Variants in SLC41A1 observed in about 807,000 individuals in gnomAD.
The protein encoded by SLC41A1 is solute carrier family 41 member 1, also known as solute carrier family 41 (magnesium transporter), member 1.
Under a neutral mutation model 47.3 loss-of-function variants are expected in SLC41A1, and 20 were observed. That is an observed-to-expected ratio of 0.42 (90% CI 0.30 to 0.61). SLC41A1 has a LOEUF of 0.61. Among genes scored for constraint, SLC41A1 ranks in the 20% least tolerant of loss-of-function variants. SLC41A1 has a pLI of 0.17. For synonymous variants in SLC41A1, 282 were observed against 272.7 expected (o/e 1.03, Z -0.34); for missense variants, 504 against 674.1 (o/e 0.75, Z 2.79).
At chr1:205,797,870 G>T (rs758046491) in intron 7 of SLC41A1, 34 bp downstream of exon 7, 10 of 1,613,446 alleles carry the variant, frequency 6.2e-6, no homozygotes, top group East Asian at 4.5e-5. Context: ...GGGTTGGAGT[G>T]GGGTAGGAGT....
At chr1:205,808,215 C>T (rs1332048116) in intron 2 of SLC41A1, among the ~76,000 whole-genome samples, 1 of 152,172 alleles carries the variant, frequency 6.6e-6, no homozygotes, top group Non-Finnish European at 1.5e-5. Flanking sequence ...CTTGACCTCC[C>T]AAAGTGCTAG....
chr1:205,803,129 A>G lies in SLC41A1; in HGVS notation c.373-2069T>C, dbSNP rs533347167. Among the ~76,000 whole-genome samples, 10 of 152,302 alleles carry G rather than the reference A, an allele frequency of 6.6e-5. No homozygotes were observed. In the South Asian group the frequency reaches 1.4e-3, roughly 22 times the overall value. ...GGTTGCAGTGAGCCGAGACAGTGCC[A>G]CTGCACTCCAGCCTGGGTGACAGAG... is the stretch of plus-strand genomic sequence containing the variant. On this transcript the variant is annotated intron_variant, in intron 2 of 10. Coordinates refer to ENST00000367137, the MANE Select transcript of SLC41A1 (RefSeq NM_173854.6).
chr1:205,810,537 A>T lies in SLC41A1; in HGVS notation c.-96T>A. ...GGGAAAGAACTTAGTCTTGGGGTGA[A>T]CCCAGGCTTGGGCGCCGCAGGACCT... On this transcript the variant is annotated 5_prime_UTR_variant, in exon 2 of 11. Coordinates refer to ENST00000367137, the MANE Select transcript of SLC41A1 (RefSeq NM_173854.6). This position sits in a 1 kb window ranked among gnomAD's most constrained non-coding sequence, Gnocchi z 5.5. 3.7e-6 allele frequency: 6 copies of T among 1,600,918 alleles called. No homozygotes were observed. Among genetic ancestry groups the T allele is most frequent in the Non-Finnish European group, 5.1e-6 (6 of 1,175,740 alleles).
intron 1 of SLC41A1, among the ~76,000 whole-genome samples, chr1:205,811,802 T>C (rs1656162651): frequency 6.6e-6 from 1 of 152,126 alleles, no homozygotes. Context: ...GGCCTCTGTC[T>C]CTCCCCGTCT....
chr1:205,795,762 G>T (rs150597110), intron 8 of SLC41A1: 4 of 520,144 alleles, frequency 7.7e-6, no homozygotes, highest in Non-Finnish European at 1.4e-5. Flanking sequence ...TGACAGTGCC[G>T]GAAAGGATAC....
At chr1:205,804,410 G>T (rs571237811) in intron 2 of SLC41A1, among the ~76,000 whole-genome samples, 22 of 152,266 alleles carry the variant, frequency 1.4e-4, no homozygotes, top group African/African-American at 5.1e-4. Context: ...TAACAATGGG[G>T]AAGAGACTGC....
At position 205,810,601 on chromosome 1, in the gene SLC41A1, A is replaced by T; in HGVS notation, c.-160T>A. On this transcript the variant is annotated 5_prime_UTR_variant, in exon 2 of 11. Coordinates refer to ENST00000367137, the MANE Select transcript of SLC41A1 (RefSeq NM_173854.6). This position sits in a 1 kb window ranked among gnomAD's most constrained non-coding sequence, Gnocchi z 5.5. ...TCCACTCCTACCAGGCACTGCAAAA[A>T]CTGATCCACCAACAGGCAGCCCCAT... 9.3e-7 allele frequency: 1 copy of T among 1,077,292 alleles called. No homozygotes were observed. Among genetic ancestry groups the T allele is most frequent in the Non-Finnish European group, 1.3e-6 (1 of 743,958 alleles). 66.7% of individuals were successfully genotyped at this position (1,077,292 alleles called of 1,614,324 possible). A position where few individuals can be genotyped will look rare whatever the true frequency, so the allele number is the denominator to read the frequency against.
chr1:205,805,800 C>T (rs1656003036), intron 2 of SLC41A1, among the ~76,000 whole-genome samples: 1 of 152,208 alleles, frequency 6.6e-6, no homozygotes, highest in Non-Finnish European at 1.5e-5. Context: ...GTACCTCTTC[C>T]TTGCCCTTCC....
chr1:205,799,042 G>T lies in SLC41A1; in HGVS notation c.612C>A (p.Ile204=), dbSNP rs776137960. The T allele has an allele frequency of 1.2e-6, 2 of 1,613,720 alleles. No individual in the cohort carries two copies. The highest frequency in any genetic ancestry group is 1.1e-5 in the South Asian group (1 of 91,060). The change falls in exon 5 of 11, where the codon ATC becomes ATA. Residue 204 remains isoleucine (I), a synonymous_variant. Transcript: ENST00000367137. ...GCGGAATACTGAAGTGGCCATCAGG[G>T]ATCCAGCCAAAGACGACGGCTGCGA... ...ASIAAVVFGW[I]PDGHFSIPHA... is the part of the protein sequence containing the mutation.
Position 205,810,270 on chromosome 1 carries a change from T to C in SLC41A1, c.172A>G (p.Lys58Glu). The part of the protein sequence containing the change: ...EVVIESRANA[K>E]GVREEDALLE... ...AGGGCGTCCTCCTCCCGAACCCCCT[T>C]GGCGTTGGCCCGAGACTCAATCACC... Residue 58 changes from lysine to glutamate, a missense_variant, in exon 2 of 11, where the codon AAG becomes GAG. Lys to Glu is a moderately conservative substitution (Grantham distance 56). This residue lies in a region of SLC41A1 where 83 missense variants were observed against 72.5 expected (regional missense o/e 1.15). Coordinates refer to ENST00000367137, the MANE Select transcript of SLC41A1 (RefSeq NM_173854.6). This position sits in a 1 kb window ranked among gnomAD's most constrained non-coding sequence, Gnocchi z 5.5. 1.9e-6 allele frequency: 3 copies of C among 1,614,166 alleles called. No individual in the cohort carries two copies. Among genetic ancestry groups the C allele is most frequent in the Non-Finnish European group, 1.7e-6 (2 of 1,180,020 alleles).
chr1:205,801,167 AG>A (rs1655869578), intron 2 of SLC41A1, 107 bp from the exon 3 acceptor site: 5 of 877,320 alleles, frequency 5.7e-6, no homozygotes, highest in Non-Finnish European at 9.4e-6. Flanking sequence ...TAGAATCAGC[AG>A]GGAGTGAGCA....
Position 205,799,041 on chromosome 1 carries a change from G to A in SLC41A1, c.613C>T (p.Pro205Ser), listed in dbSNP as rs771369142. The change falls in exon 5 of 11, where the codon CCT becomes TCT. Residue 205 changes from proline (P) to serine (S), a missense_variant. This residue lies in a region of SLC41A1 where 421 missense variants were observed against 601.6 expected (regional missense o/e 0.70). Coordinates refer to ENST00000367137, the MANE Select transcript of SLC41A1 (RefSeq NM_173854.6). The stretch of plus-strand genomic sequence containing the variant: ...TGCGGAATACTGAAGTGGCCATCAG[G>A]GATCCAGCCAAAGACGACGGCTGCG... ...SIAAVVFGWIPDGHFSIPHAF... is the reference protein window; with the variant it reads ...SIAAVVFGWISDGHFSIPHAF... 3.7e-6 allele frequency: 6 copies of A among 1,613,708 alleles called. No homozygotes were observed. Among genetic ancestry groups the A allele is most frequent in the South Asian group, 3.3e-5 (3 of 91,064 alleles).
intron 2 of SLC41A1, among the ~76,000 whole-genome samples, chr1:205,808,992 T>A (rs1656079752): frequency 6.6e-6 from 1 of 152,208 alleles, no homozygotes; most frequent in Non-Finnish European, 1.5e-5. Flanking sequence ...AAGCTTCGTG[T>A]CCTTCTGGGA....
intron 2 of SLC41A1, among the ~76,000 whole-genome samples, chr1:205,804,422 C>T (rs1452297066): frequency 6.6e-6 from 1 of 152,114 alleles, no homozygotes; most frequent in Non-Finnish European, 1.5e-5. Flanking sequence ...AGAGACTGCC[C>T]CCCATCTCAA....
chr1:205,793,537 T>C (rs1490054567), intron 10 of SLC41A1, among the ~76,000 whole-genome samples: 1 of 152,246 alleles, frequency 6.6e-6, no homozygotes, highest in Non-Finnish European at 1.5e-5. Context: ...GCCCCGCCCC[T>C]GCCAAGATGT....
rs1406736212 is a variant in SLC41A1, at chr1:205,791,105, A to G, written c.*428T>C. On this transcript the variant is annotated 3_prime_UTR_variant, in exon 11 of 11. Transcript: ENST00000367137. This position sits in a 1 kb window ranked among gnomAD's most constrained non-coding sequence, Gnocchi z 4.0. ...ACTTATTCTTCTGTCCCTCTGTTCAACCAAAACCAAAAATAAAACAAAACA... is the reference window on the plus strand; with the variant it reads ...ACTTATTCTTCTGTCCCTCTGTTCAGCCAAAACCAAAAATAAAACAAAACA... 8 of 278,902 alleles carry G rather than the reference A, an allele frequency of 2.9e-5. No homozygotes were observed. The highest frequency in any genetic ancestry group is 1.5e-4 in the Admixed American group (3 of 19,878). The allele number at this position is 278,902 out of a possible 1,614,324, so 17.3% of individuals were successfully genotyped here.
chr1:205,799,948 G>A, intron 3 of SLC41A1, 118 bp from the exon 4 acceptor site: 1 of 839,796 alleles, frequency 1.2e-6, no homozygotes, highest in Non-Finnish European at 2.0e-6. Context: ...CTGAGAGCAG[G>A]ACCTGACAGT....
At chr1:205,807,504 G>A (rs1656039463) in intron 2 of SLC41A1, among the ~76,000 whole-genome samples, 1 of 152,158 alleles carries the variant, frequency 6.6e-6, no homozygotes, top group Non-Finnish European at 1.5e-5. Context: ...GGATGGGTAG[G>A]GGTGTGGTGT....
Position 205,810,503 on chromosome 1 carries a change from C to A in SLC41A1, c.-62G>T. 4.3e-6 allele frequency: 7 copies of A among 1,612,452 alleles called. No homozygotes were observed. The highest frequency in any genetic ancestry group is 5.9e-6 in the Non-Finnish European group (7 of 1,179,956). ...TCTTCTTTTTGCTTTCTCTCTTCTT[C>A]TCTAACTTGGGAAAGAACTTAGTCT... On this transcript the variant is annotated 5_prime_UTR_variant, in exon 2 of 11. Coordinates refer to ENST00000367137, the MANE Select transcript of SLC41A1 (RefSeq NM_173854.6). The surrounding 1 kb of genome is among the most constrained non-coding windows in gnomAD (Gnocchi z 5.5).
Sources: gnomAD v4.1 joint callset for allele counts (sites outside exome capture counted in the v4.1 genomes callset) on GRCh38, gnomAD v4.1.1 for gene constraint, gnomAD v4.1.1 regional missense constraint, Gnocchi (gnomAD v3.1) non-coding constraint, MANE v1.5 for transcripts, NCBI Gene and HGNC (gene_info 2026-07-23, HGNC 2026-07-21) for gene names.